The following CDH18 variants were observed in gnomAD, a reference collection of about 807,000 sequenced individuals.
CDH18 encodes the protein cadherin-18.
A neutral mutation model predicts 67.9 loss-of-function variants in CDH18; 31 were observed. That is an observed-to-expected ratio of 0.46 (90% CI 0.34 to 0.62). The LOEUF (loss-of-function observed/expected upper bound fraction) is 0.62. CDH18 is among the 20% of genes least tolerant of loss of function. The pLI is 0.01. For missense variants in CDH18, 890 were observed against 975.5 expected (o/e 0.91, Z 1.17); for synonymous variants, 362 against 347.2 (o/e 1.04, Z -0.48).
At chr5:19,761,215 C>T (rs1219318002) in intron 3 of CDH18, among the ~76,000 whole-genome samples, 2 of 152,182 alleles carry the variant, frequency 1.3e-5, no homozygotes, top group African/African-American at 4.8e-5. Flanking sequence ...AAGAATCTCA[C>T]TCAGGGCAAT....
At chr5:19,686,402 AG>A in intron 5 of CDH18, among the ~76,000 whole-genome samples, 1 of 152,156 alleles carries the variant, frequency 6.6e-6, no homozygotes, top group East Asian at 1.9e-4. Context: ...GAAGAGTTAC[AG>A]CTTGTGAATT....
intron 2 of CDH18, among the ~76,000 whole-genome samples, chr5:19,953,268 G>T (rs932218894): frequency 3.9e-5 from 6 of 152,008 alleles, no homozygotes; most frequent in Non-Finnish European, 8.8e-5. Context: ...AATACAGGAA[G>T]TCTGTGTACA....
At chr5:19,577,660 A>G (rs1488875739) in intron 7 of CDH18, among the ~76,000 whole-genome samples, 2 of 152,198 alleles carry the variant, frequency 1.3e-5, no homozygotes, top group Non-Finnish European at 2.9e-5. Context: ...TGATAAACAG[A>G]TAAGATTTTG....
intron 2 of CDH18, among the ~76,000 whole-genome samples, chr5:20,244,823 T>C (rs2136110): frequency 0.7 from 106,488 of 151,872 alleles, 38,001 homozygotes; most frequent in African/African-American, 0.85. Flanking sequence ...GCCAGTAAGA[T>C]AAATAAAGAT....
intron 5 of CDH18, among the ~76,000 whole-genome samples, chr5:19,700,777 T>C (rs1167457832): frequency 1.3e-5 from 2 of 152,138 alleles, no homozygotes; most frequent in African/African-American, 4.8e-5. Context: ...AGGGCTTTCA[T>C]TTATCTCCCA....
intron 5 of CDH18, among the ~76,000 whole-genome samples, chr5:19,686,488 T>C (rs181852559): frequency 9.8e-5 from 15 of 152,290 alleles, no homozygotes; most frequent in African/African-American, 3.6e-4. Context: ...TGGTGGCTCA[T>C]TACACATGCA....
intron 2 of CDH18, among the ~76,000 whole-genome samples, chr5:19,998,332 G>A (rs1477091423): frequency 6.6e-6 from 1 of 152,154 alleles, no homozygotes; most frequent in Non-Finnish European, 1.5e-5. Flanking sequence ...GATGACTTTG[G>A]TTATTGACTT....
At chr5:20,240,718 C>T (rs955900420) in intron 2 of CDH18, among the ~76,000 whole-genome samples, 2 of 152,194 alleles carry the variant, frequency 1.3e-5, no homozygotes, top group African/African-American at 4.8e-5. Context: ...TGCTTTCTTA[C>T]ATAGCTAGAC....
chr5:20,361,078 G>T (rs1742051602), intron 1 of CDH18, among the ~76,000 whole-genome samples: 2 of 151,786 alleles, frequency 1.3e-5, no homozygotes, highest in South Asian at 4.2e-4. Context: ...ACTAATAGAA[G>T]GGAATAGAGA....
intron 1 of CDH18, among the ~76,000 whole-genome samples, chr5:20,523,049 A>G (rs549038143): frequency 6.6e-6 from 1 of 152,272 alleles, no homozygotes; most frequent in Admixed American, 6.5e-5. Flanking sequence ...GGCAAATGAA[A>G]TTCCTCATTT....
intron 2 of CDH18, among the ~76,000 whole-genome samples, chr5:19,913,829 C>T (rs1349354118): frequency 5.9e-5 from 9 of 151,958 alleles, no homozygotes; most frequent in Admixed American, 1.3e-4. Flanking sequence ...CTCTTCTGTT[C>T]CTCAATTAGG....
chr5:20,062,976 G>T (rs1449527793), intron 2 of CDH18, among the ~76,000 whole-genome samples: 2 of 130,316 alleles, frequency 1.5e-5, no homozygotes, highest in African/African-American at 5.7e-5. Flanking sequence ...AGTCCAATAT[G>T]CTTCTTTTTT....
chr5:20,249,990 G>GA (rs1393601292), intron 2 of CDH18, among the ~76,000 whole-genome samples: 1 of 151,802 alleles, frequency 6.6e-6, no homozygotes. Context: ...CAAAATAGTA[G>GA]AAAAAAATTT....
At chr5:20,152,571 C>G (rs962038975) in intron 2 of CDH18, among the ~76,000 whole-genome samples, 6 of 151,962 alleles carry the variant, frequency 3.9e-5, no homozygotes, top group African/African-American at 1.2e-4. Context: ...AAATAAAAAG[C>G]TTGTTAAAAG....
intron 2 of CDH18, among the ~76,000 whole-genome samples, chr5:20,122,986 C>T (rs1041954944): frequency 2.0e-5 from 3 of 147,730 alleles, no homozygotes; most frequent in African/African-American, 4.9e-5. Flanking sequence ...TGAGATGTAA[C>T]CTCCTCTAAA....
At chr5:20,114,320 T>C (rs1747716826) in intron 2 of CDH18, among the ~76,000 whole-genome samples, 1 of 152,188 alleles carries the variant, frequency 6.6e-6, no homozygotes, top group African/African-American at 2.4e-5. Context: ...CATACGTCTA[T>C]ATAATATCCC....
At chr5:20,478,323 G>T (rs1347129871) in intron 1 of CDH18, among the ~76,000 whole-genome samples, 4 of 152,094 alleles carry the variant, frequency 2.6e-5, no homozygotes, top group Non-Finnish European at 5.9e-5. Context: ...TCAAGGCCTT[G>T]GTTCCAGGAT....
chr5:19,803,189 A>C (rs1393807103), intron 3 of CDH18, among the ~76,000 whole-genome samples: 4 of 152,248 alleles, frequency 2.6e-5, no homozygotes, highest in Non-Finnish European at 5.9e-5. Context: ...ATCTGAAACC[A>C]AGATGAAGTG....
At chr5:19,570,178 C>T (rs1741149456) in intron 8 of CDH18, among the ~76,000 whole-genome samples, 1 of 152,018 alleles carries the variant, frequency 6.6e-6, no homozygotes, top group Non-Finnish European at 1.5e-5. Context: ...AAAAACATGG[C>T]ATTCTATGGA....
Sources: allele counts gnomAD v4.1 joint callset (sites outside exome capture counted in the v4.1 genomes callset), GRCh38; gene constraint gnomAD v4.1.1; transcripts MANE v1.5; gene names NCBI Gene and HGNC (gene_info 2026-07-23, HGNC 2026-07-21).